ZNF502: variants seen among roughly 807,000 people sequenced by gnomAD.
The protein encoded by ZNF502 is zinc finger protein 502.
ZNF502 carries 29 observed loss-of-function variants against 43.6 expected under a neutral mutation model. The ratio of observed to expected loss-of-function variants is 0.67; its 90% CI spans 0.50 to 0.91. The LOEUF is 0.91. Ranked by LOEUF, ZNF502 falls within the 40% of genes least tolerant of loss-of-function variation. ZNF502 has a pLI of 0.00. For missense variants in ZNF502, 591 were observed against 647.2 expected, an observed-to-expected ratio of 0.91 and a Z score of 0.94; for synonymous variants, 171 against 207.4, an observed-to-expected ratio of 0.82 and a Z score of 1.51.
chr3:44,722,268 C>G lies in ZNF502; in HGVS notation c.1451C>G (p.Thr484Ser). 6.2e-7 allele frequency: 1 copy of G among 1,614,080 alleles called. No individual in the cohort carries two copies. The highest frequency in any genetic ancestry group is 8.5e-7 in the Non-Finnish European group (1 of 1,179,990). ...HSSSLTEHHRTHTGEKLYKCS... is the reference protein window; with the variant it reads ...HSSSLTEHHRSHTGEKLYKCS... ...TCATCTCTTACTGAACATCATAGAA[C>G]TCACACTGGTGAGAAGCTCTATAAA... Residue 484 changes from threonine to serine, a missense_variant, in exon 3 of 3, where the codon ACT (threonine) becomes AGT (serine). Transcript: ENST00000436624.
rs1317904481 is a variant in ZNF502 at position 44,720,268 on chromosome 3, A to C, written c.7A>C (p.Asn3His). The change falls in exon 2 of 3, where the codon AAT (asparagine) becomes CAT (histidine). Residue 3 changes from asparagine to histidine, a missense_variant. Physicochemically the swap from Asn to His is moderately conservative, Grantham distance 68 (BLOSUM62 1). Coordinates refer to ENST00000436624, the MANE Select transcript of ZNF502 (RefSeq NM_001134442.3). ...GCGAAGAGACGATCTGTGGATGTTG[A>C]ATATGCAAGGAGCTGAAGAGAGAGA... Reference protein sequence around the residue: MLNMQGAEERDIR... With the variant: MLHMQGAEERDIR... The C allele has an allele frequency of 1.9e-6, 3 of 1,614,124 alleles. No individual in the cohort carries two copies. In the South Asian group the frequency reaches 3.3e-5, roughly 18 times the overall value.
chr3:44,715,216 A>C (rs549549728), intron 1 of ZNF502, among the ~76,000 whole-genome samples: 34 of 152,144 alleles, frequency 2.2e-4, no homozygotes, highest in Admixed American at 8.5e-4. Flanking sequence ...TGAGTGCTTA[A>C]TGCCAGTATA....
rs756677539 is a variant in ZNF502 at position 44,721,566 on chromosome 3, A to G, written c.749A>G (p.Asn250Ser). 2 of 1,607,596 alleles carry G rather than the reference A, an allele frequency of 1.2e-6. No individual in the cohort carries two copies. Among genetic ancestry groups the G allele is most frequent in the Non-Finnish European group, 1.7e-6 (2 of 1,176,068 alleles). Residue 250 changes from asparagine to serine, a missense_variant, in exon 3 of 3, where the codon AAT becomes AGT. By Grantham distance (46) the Asn-to-Ser change is conservative. Coordinates refer to ENST00000436624, the MANE Select transcript of ZNF502 (RefSeq NM_001134442.3). ...AATGAATGTGGGAATTCCTTCCGCA[A>G]TCACTCACATCTCACTGAACACCAG... is the stretch of plus-strand genomic sequence containing the variant. ...KCNECGNSFR[N>S]HSHLTEHQRI...
Position 44,723,785 on chromosome 3 carries a change from AG to A in ZNF502, c.*1334del. On this transcript the variant is annotated 3_prime_UTR_variant, in exon 3 of 3. Transcript: ENST00000436624. ...ATAATTTCTAAGCTGTGAAGCTTAT[AG>A]CATTTTTAAAGTATGGCTATTAAAA... 6.6e-6 allele frequency: 1 copy of A among 151,792 alleles called. No homozygotes were observed. The highest frequency in any genetic ancestry group is 1.5e-5 in the Non-Finnish European group (1 of 67,968). The allele number at this position is 151,792 out of a possible 1,614,324, so 9.4% of individuals were successfully genotyped here. A position where few individuals can be genotyped will look rare whatever the true frequency, so the allele number is the denominator to read the frequency against.
chr3:44,717,340 T>C (rs1181637649), intron 1 of ZNF502, among the ~76,000 whole-genome samples: 1 of 151,912 alleles, frequency 6.6e-6, no homozygotes, highest in Non-Finnish European at 1.5e-5. Context: ...GATATTTTAT[T>C]TAATTAATTT....
At chr3:44,716,211 G>C (rs1444684867) in intron 1 of ZNF502, among the ~76,000 whole-genome samples, 1 of 150,026 alleles carries the variant, frequency 6.7e-6, no homozygotes, top group Non-Finnish European at 1.5e-5. Flanking sequence ...TTTTGAGACG[G>C]AGTTTCGCTC....
At chr3:44,717,179 T>C (rs1336543280) in intron 1 of ZNF502, among the ~76,000 whole-genome samples, 1 of 152,162 alleles carries the variant, frequency 6.6e-6, no homozygotes. Flanking sequence ...TTTATTTTGG[T>C]GTGTGGCATG....
chr3:44,719,317 T>C (rs1402982509), intron 1 of ZNF502, among the ~76,000 whole-genome samples: 1 of 152,222 alleles, frequency 6.6e-6, no homozygotes, highest in African/African-American at 2.4e-5. Flanking sequence ...AAGCACAGAC[T>C]TCACTAAGAA....
chr3:44,721,646 A>C lies in ZNF502; in HGVS notation c.829A>C (p.Asn277His). Reference sequence around the variant, plus strand: ...ATGCAATAGGTGTGGGAAGGCATTCAATCAGAATACACACCTTATTCATCA... The same window carrying C: ...ATGCAATAGGTGTGGGAAGGCATTCCATCAGAATACACACCTTATTCATCA... The part of the protein sequence containing the change: ...YKCNRCGKAF[N>H]QNTHLIHHQR... The change falls in exon 3 of 3, where the codon AAT (asparagine) becomes CAT (histidine). Residue 277 changes from asparagine to histidine, a missense_variant. Coordinates refer to ENST00000436624, the MANE Select transcript of ZNF502 (RefSeq NM_001134442.3). 1 of 1,614,150 alleles carries C rather than the reference A, an allele frequency of 6.2e-7. No homozygotes were observed. The highest frequency in any genetic ancestry group is 8.5e-7 in the Non-Finnish European group (1 of 1,180,010).
In ZNF502 at chr3:44,722,883, C is replaced by G. The variant is rs1316416553; in HGVS notation, c.*431C>G. On this transcript the variant is annotated 3_prime_UTR_variant, in exon 3 of 3. Coordinates refer to ENST00000436624, the MANE Select transcript of ZNF502 (RefSeq NM_001134442.3). ...TCTGATGTAGTGCTAAGTCTAGCCT[C>G]CAGATTTGAGGCAGCCCTGACCATG... is the stretch of plus-strand genomic sequence containing the variant. 6.3e-6 allele frequency: 1 copy of G among 159,248 alleles called. No homozygotes were observed. Among genetic ancestry groups the G allele is most frequent in the East Asian group, 1.8e-4 (1 of 5,622 alleles). The allele number at this position is 159,248 out of a possible 1,614,324, so 9.9% of individuals were successfully genotyped here.
chr3:44,713,697 C>T (rs1431572154), intron 1 of ZNF502, among the ~76,000 whole-genome samples: 7 of 152,050 alleles, frequency 4.6e-5, no homozygotes, highest in Non-Finnish European at 8.8e-5. Context: ...TCTCCTGCCT[C>T]AGCCTCCCGA....
In ZNF502 at chr3:44,723,719, A is replaced by G. The variant is rs2125869888; in HGVS notation, c.*1267A>G. The G allele has an allele frequency of 6.6e-6, 1 of 152,302 alleles. No individual in the cohort carries two copies. The highest frequency in any genetic ancestry group is 1.9e-4 in the East Asian group (1 of 5,182). The allele number at this position is 152,302 out of a possible 1,614,324, so 9.4% of individuals were successfully genotyped here. On this transcript the variant is annotated 3_prime_UTR_variant, in exon 3 of 3. Transcript: ENST00000436624. ...GTTCTTAACTGCTACCCAGAAATTG[A>G]GCTTCAGAAGATTGAGGATAGCCTT...
At chr3:44,719,591 A>G (rs750791891) in intron 1 of ZNF502, among the ~76,000 whole-genome samples, 5 of 152,030 alleles carry the variant, frequency 3.3e-5, no homozygotes, top group Non-Finnish European at 5.9e-5. Flanking sequence ...TCACAGTTAA[A>G]TTTATTTCTG....
Position 44,716,685 on chromosome 3 carries a change from C to T in ZNF502, c.-59-3518C>T, listed in dbSNP as rs560943028. ...GCTCCAGAAAGATGGTACCAACTTA[C>T]ATTCGCACCGGTATGTGAGAAACTC... On this transcript the variant is annotated intron_variant, in intron 1 of 2. Coordinates refer to ENST00000436624, the MANE Select transcript of ZNF502 (RefSeq NM_001134442.3). Among the ~76,000 whole-genome samples, 9 of 152,376 alleles carry T rather than the reference C, an allele frequency of 5.9e-5. No individual in the cohort carries two copies. The South Asian group carries it at 1.0e-3, about 18-fold the overall frequency.
chr3:44,718,666 G>T (rs55880642), intron 1 of ZNF502, among the ~76,000 whole-genome samples: 1 of 151,890 alleles, frequency 6.6e-6, no homozygotes, highest in Non-Finnish European at 1.5e-5. Context: ...CCTTTCACAC[G>T]TCTAAAGGGG....
At chr3:44,719,847 A>G (rs999699542) in intron 1 of ZNF502, among the ~76,000 whole-genome samples, 6 of 152,242 alleles carry the variant, frequency 3.9e-5, no homozygotes, top group Non-Finnish European at 5.9e-5. Context: ...CTGGCTTTTC[A>G]TATAGATTAT....
chr3:44,719,186 TG>T (rs1389728851), intron 1 of ZNF502, among the ~76,000 whole-genome samples: 1 of 152,324 alleles, frequency 6.6e-6, no homozygotes, highest in East Asian at 1.9e-4. Context: ...TTGGCCAGGC[TG>T]GTCTCAAACT....
Position 44,721,835 on chromosome 3 carries a change from C to A in ZNF502, c.1018C>A (p.Gln340Lys). The A allele has an allele frequency of 2.5e-6, 4 of 1,614,170 alleles. No individual in the cohort carries two copies. Among genetic ancestry groups the A allele is most frequent in the Non-Finnish European group, 3.4e-6 (4 of 1,180,016 alleles). ...TTTCCAAACAAAGGCAAACCTCTCT[C>A]AGCATCAGAGAATTCATAGTGGAGA... Reference protein sequence around the residue: ...KTFQTKANLSQHQRIHSGEKP... With the variant: ...KTFQTKANLSKHQRIHSGEKP... Residue 340 changes from glutamine (Q) to lysine (K), a missense_variant, in exon 3 of 3, where the codon CAG becomes AAG. Gln to Lys is a moderately conservative substitution (Grantham distance 53). Transcript: ENST00000436624.
At chr3:44,714,768 T>TGA (rs1704102086) in intron 1 of ZNF502, 2 of 152,246 alleles carry the variant, frequency 1.3e-5, no homozygotes, top group African/African-American at 4.8e-5. Context: ...TTGAATGCTT[T>TGA]ATGTGAATTA....
Sources: allele counts gnomAD v4.1 joint callset (sites outside exome capture counted in the v4.1 genomes callset), GRCh38; gene constraint gnomAD v4.1.1; transcripts MANE v1.5; gene names NCBI Gene and HGNC (gene_info 2026-07-23, HGNC 2026-07-21).